Variants in SNTG1 observed in about 807,000 individuals in gnomAD.
SNTG1 encodes syntrophin gamma 1.
Under a neutral mutation model 74.7 loss-of-function variants are expected in SNTG1, and 39 were observed. The ratio of observed to expected loss-of-function variants is 0.52; its 90% CI spans 0.40 to 0.68. The LOEUF (loss-of-function observed/expected upper bound fraction) is 0.68. SNTG1 is among the 30% of genes least tolerant of loss of function. The pLI is 0.00. For synonymous variants in SNTG1, 254 were observed against 217.1 expected (o/e 1.17, Z -1.49); for missense variants, 685 against 609.5 (o/e 1.12, Z -1.30).
chr8:50,381,835 A>ATT (rs35935860), intron 2 of SNTG1: 1 of 131,076 alleles, frequency 7.6e-6, no homozygotes, highest in African/African-American at 2.9e-5. Context: ...ATATATATAT[A>ATT]TTATATATAT....
chr8:50,405,908 CCTCT>C (rs2092869125), intron 4 of SNTG1, among the ~76,000 whole-genome samples: 1 of 151,990 alleles, frequency 6.6e-6, no homozygotes, highest in African/African-American at 2.4e-5. Context: ...GTATTTGTGG[CCTCT>C]CTATTCTAGT....
chr8:50,100,595 C>A (rs1405487166), intron 1 of SNTG1, among the ~76,000 whole-genome samples: 1 of 151,996 alleles, frequency 6.6e-6, no homozygotes, highest in East Asian at 1.9e-4. Context: ...TATATTAACA[C>A]AATATTATAA....
chr8:50,770,399 T>C (rs1158204389), intron 18 of SNTG1, among the ~76,000 whole-genome samples: 1 of 152,102 alleles, frequency 6.6e-6, no homozygotes, highest in Non-Finnish European at 1.5e-5. Context: ...CTTTGCAACA[T>C]TGTAGCTTAT....
At chr8:50,719,272 T>C (rs2095482041) in intron 17 of SNTG1, among the ~76,000 whole-genome samples, 1 of 152,170 alleles carries the variant, frequency 6.6e-6, no homozygotes, top group African/African-American at 2.4e-5. Context: ...GATTAAGTCA[T>C]GTGGCTCTGT....
chr8:50,612,367 A>G (rs537191765), intron 13 of SNTG1, among the ~76,000 whole-genome samples: 4 of 152,202 alleles, frequency 2.6e-5, no homozygotes, highest in African/African-American at 9.6e-5. Flanking sequence ...AATGCTCTAA[A>G]ATGTACTCAC....
chr8:50,407,034 G>A (rs187668261), intron 4 of SNTG1, among the ~76,000 whole-genome samples: 193 of 152,212 alleles, frequency 1.3e-3, no homozygotes, highest in African/African-American at 4.2e-3. Context: ...GCCCGCAGAC[G>A]CCTCTGTATT....
intron 15 of SNTG1, among the ~76,000 whole-genome samples, chr8:50,666,045 T>C (rs1180474395): frequency 6.6e-6 from 1 of 152,060 alleles, no homozygotes; most frequent in East Asian, 1.9e-4. Flanking sequence ...ATTAGCAAAA[T>C]AGCAGGTTCA....
At chr8:50,329,445 T>C (rs184019867) in intron 2 of SNTG1, among the ~76,000 whole-genome samples, 1 of 152,250 alleles carries the variant, frequency 6.6e-6, no homozygotes, top group East Asian at 1.9e-4. Flanking sequence ...AGGTGGAGGT[T>C]CCCAAACCTC....
At chr8:50,035,122 G>A (rs899834420) in intron 1 of SNTG1, among the ~76,000 whole-genome samples, 4 of 152,080 alleles carry the variant, frequency 2.6e-5, no homozygotes, top group Admixed American at 2.6e-4. Flanking sequence ...TTAGCATGCA[G>A]TGCACCAAAC....
At chr8:50,768,284 A>G (rs953835821) in intron 18 of SNTG1, among the ~76,000 whole-genome samples, 5 of 152,036 alleles carry the variant, frequency 3.3e-5, no homozygotes, top group Non-Finnish European at 5.9e-5. Context: ...TCATTTTCTC[A>G]TTGTAAATTG....
chr8:50,370,769 G>A (rs759821720), intron 2 of SNTG1, among the ~76,000 whole-genome samples: 5 of 151,944 alleles, frequency 3.3e-5, no homozygotes, highest in African/African-American at 1.2e-4. Context: ...TACAAAGTAT[G>A]ACCCATGAGG....
chr8:50,167,327 A>T (rs1209649345), intron 1 of SNTG1, among the ~76,000 whole-genome samples: 1 of 148,320 alleles, frequency 6.7e-6, no homozygotes, highest in East Asian at 1.9e-4. Context: ...ATAAAATAAA[A>T]TAAAATAAAA....
chr8:50,321,754 A>T (rs543301834), intron 2 of SNTG1, among the ~76,000 whole-genome samples: 33 of 152,236 alleles, frequency 2.2e-4, no homozygotes, highest in African/African-American at 7.5e-4. Flanking sequence ...TATTATTTTA[A>T]ACTAATGCCA....
chr8:50,072,564 C>T (rs1821463425), intron 1 of SNTG1, among the ~76,000 whole-genome samples: 1 of 152,128 alleles, frequency 6.6e-6, no homozygotes, highest in Non-Finnish European at 1.5e-5. Context: ...TGTAGAGCTG[C>T]TGTAACAAAG....
rs569504008 is a variant in SNTG1 at position 49,972,779 on chromosome 8, G to T, written c.-103+60548G>T. On this transcript the variant is annotated intron_variant, in intron 1 of 18. Transcript: ENST00000642720. ...AGTGAAAAAATGCTCATCATCACTG[G>T]CCATCAGAGAAACGCAAATCAGAAC... 2.8e-4 allele frequency among the ~76,000 whole-genome samples: 43 copies of T among 152,248 alleles called. No homozygotes were observed. In the East Asian group the frequency reaches 7.5e-3, roughly 27 times the overall value.
chr8:50,155,988 A>G (rs1050466795), intron 1 of SNTG1, among the ~76,000 whole-genome samples: 13 of 152,138 alleles, frequency 8.5e-5, no homozygotes, highest in Admixed American at 3.9e-4. Context: ...AAAAATAAAC[A>G]CTATTCAGTA....
At chr8:49,910,416 G>T (rs1805521476), upstream of SNTG1, among the ~76,000 whole-genome samples, 1 of 152,136 alleles carries the variant, frequency 6.6e-6, no homozygotes, top group African/African-American at 2.4e-5. Flanking sequence ...CTGCAAGGGC[G>T]GGCGGTGTTA....
In SNTG1 at chr8:50,100,863, A is replaced by C. The variant is rs565902322; in HGVS notation, c.-102-71698A>C. On this transcript the variant is annotated intron_variant, in intron 1 of 18. Coordinates refer to ENST00000642720, the MANE Select transcript of SNTG1 (RefSeq NM_018967.5). ...ATTGTATGTCATTGGGGTTTGGTGTATAGATTATTTCATCACCCAAGTGAG... is the reference window on the plus strand; with the variant it reads ...ATTGTATGTCATTGGGGTTTGGTGTCTAGATTATTTCATCACCCAAGTGAG... Among the ~76,000 whole-genome samples, 9 of 152,164 alleles carry C rather than the reference A, an allele frequency of 5.9e-5. No homozygotes were observed. The East Asian group carries it at 1.7e-3, about 29-fold the overall frequency.
intron 1 of SNTG1, among the ~76,000 whole-genome samples, chr8:49,962,627 G>T (rs1171425672): frequency 6.6e-6 from 1 of 151,934 alleles, no homozygotes; most frequent in Non-Finnish European, 1.5e-5. Flanking sequence ...TAATGGCCTT[G>T]CTCTGTCACC....
Sources: gnomAD v4.1 joint callset for allele counts (sites outside exome capture counted in the v4.1 genomes callset) on GRCh38, gnomAD v4.1.1 for gene constraint, MANE v1.5 for transcripts, NCBI Gene and HGNC (gene_info 2026-07-23, HGNC 2026-07-21) for gene names.